CCDC7: variants seen among roughly 807,000 people sequenced by gnomAD.
CCDC7 encodes the protein coiled-coil domain-containing protein 7.
Under a neutral mutation model 196.9 loss-of-function variants are expected in CCDC7, and 183 were observed. The ratio of observed to expected loss-of-function variants is 0.93; its 90% CI spans 0.82 to 1.05. The LOEUF (loss-of-function observed/expected upper bound fraction) is 1.05. Ranked by LOEUF, CCDC7 falls within the 50% of genes least tolerant of loss-of-function variation. CCDC7 has a pLI of 0.00. For missense variants in CCDC7, 1,540 were observed against 1,482.2 expected (o/e 1.04, Z -0.64); for synonymous variants, 525 against 484.6 (o/e 1.08, Z -1.10).
At chr10:32,697,946 A>G (rs2078001647) in intron 24 of CCDC7, among the ~76,000 whole-genome samples, 1 of 152,178 alleles carries the variant, frequency 6.6e-6, no homozygotes, top group Admixed American at 6.5e-5. Context: ...CACCACAAAC[A>G]GCTGGCAGCC....
At chr10:32,543,104 AC>A (rs2051781898) in intron 11 of CCDC7, among the ~76,000 whole-genome samples, 195 bp from the exon 13 acceptor site, 1 of 152,194 alleles carries the variant, frequency 6.6e-6, no homozygotes, top group Non-Finnish European at 1.5e-5. Context: ...GTTATATACA[AC>A]TTACACCACG....
At chr10:32,778,643 G>C (rs995232076) in intron 28 of CCDC7, among the ~76,000 whole-genome samples, 1 of 152,124 alleles carries the variant, frequency 6.6e-6, no homozygotes, top group Admixed American at 6.6e-5. Context: ...TTTTTGCTTA[G>C]GATTGCTTTG....
chr10:32,717,403 G>A (rs2081763728), intron 25 of CCDC7, among the ~76,000 whole-genome samples: 1 of 152,106 alleles, frequency 6.6e-6, no homozygotes, highest in African/African-American at 2.4e-5. Context: ...TAAATTTATA[G>A]CACTAAATGC....
rs1006322577 is a variant in CCDC7 at position 32,518,431 on chromosome 10, C to A, written c.919C>A (p.Gln307Lys). ...TTGTTTTTAGGAATACAAACAGATGCAGTGTGATTTTCAGTTGTTATCAGA... is the reference window on the plus strand; with the variant it reads ...TTGTTTTTAGGAATACAAACAGATGAAGTGTGATTTTCAGTTGTTATCAGA... Residue 307 changes from glutamine to lysine, a missense_variant, in exon 11 of 42, where the codon CAG becomes AAG. Transcript: ENST00000639629. 2.5e-6 allele frequency: 4 copies of A among 1,601,742 alleles called. No individual in the cohort carries two copies. In the African/African-American group the frequency reaches 5.4e-5, roughly 22 times the overall value.
chr10:32,457,552 T>A (rs1359033055), intron 3 of CCDC7, among the ~76,000 whole-genome samples: 1 of 152,236 alleles, frequency 6.6e-6, no homozygotes, highest in Non-Finnish European at 1.5e-5. Flanking sequence ...CACCCAGTAG[T>A]GGAATTGCTG....
chr10:32,564,644 A>G (rs1333112866), intron 13 of CCDC7, among the ~76,000 whole-genome samples: 1 of 148,752 alleles, frequency 6.7e-6, no homozygotes, highest in African/African-American at 2.5e-5. Flanking sequence ...CACTCTGGGG[A>G]CTGTTGTGGG....
intron 28 of CCDC7, among the ~76,000 whole-genome samples, chr10:32,742,659 A>G (rs1260108870): frequency 2.6e-5 from 4 of 152,200 alleles, no homozygotes; most frequent in Admixed American, 6.6e-5. Context: ...CTGAAACAAC[A>G]GAACTTATTT....
intron 9 of CCDC7, chr10:32,514,535 T>G (rs1007945493): frequency 2.0e-5 from 3 of 152,214 alleles, no homozygotes; most frequent in Non-Finnish European, 4.4e-5. Context: ...ACTTTAATTT[T>G]GGATTTCAAG....
intron 30 of CCDC7, among the ~76,000 whole-genome samples, chr10:32,808,833 A>T (rs987701217): frequency 8.5e-5 from 13 of 152,082 alleles, no homozygotes; most frequent in Non-Finnish European, 1.3e-4. Flanking sequence ...GAAAAAAAAA[A>T]TTATACAGAG....
In CCDC7 at chr10:32,470,113, A is replaced by G. The variant is rs148288873; in HGVS notation, c.511-951A>G. Among the ~76,000 whole-genome samples, 905 of 152,250 alleles carry G rather than the reference A, an allele frequency of 5.9e-3. 9 individuals are homozygous for G. The highest frequency in any genetic ancestry group is 0.021 in the African/African-American group (863 of 41,532). Reference sequence around the variant, plus strand: ...ATACCCAAGCTCAGACTTCTAGTGCATTGCCCAGCATTCACTTCTGCTGTT... The same window carrying G: ...ATACCCAAGCTCAGACTTCTAGTGCGTTGCCCAGCATTCACTTCTGCTGTT... On this transcript the variant is annotated intron_variant, in intron 5 of 41. Transcript: ENST00000639629.
chr10:32,645,377 C>A (rs770584572), intron 20 of CCDC7, among the ~76,000 whole-genome samples: 1 of 151,994 alleles, frequency 6.6e-6, no homozygotes, highest in African/African-American at 2.4e-5. Context: ...GAATCCCACT[C>A]GATCATGGTA....
At chr10:32,446,481 T>A (rs1380908123) in intron 1 of CCDC7, 84 bp downstream of exon 1, 1 of 152,346 alleles carries the variant, frequency 6.6e-6, no homozygotes, top group Non-Finnish European at 1.5e-5. Flanking sequence ...CACTTAGTTT[T>A]CCCGCTGCCT....
At chr10:32,651,268 T>A (rs1320405343) in intron 20 of CCDC7, among the ~76,000 whole-genome samples, 1 of 152,204 alleles carries the variant, frequency 6.6e-6, no homozygotes, top group Non-Finnish European at 1.5e-5. Context: ...CACCATTTGG[T>A]GCTGGGAAAC....
At chr10:32,829,314 C>A (rs754657669) in intron 32 of CCDC7, among the ~76,000 whole-genome samples, 8 of 152,144 alleles carry the variant, frequency 5.3e-5, no homozygotes, top group African/African-American at 1.9e-4. Context: ...AAAGGGAATA[C>A]AGAATGCATA....
chr10:32,879,121 G>A (rs1036600384), downstream of CCDC7, among the ~76,000 whole-genome samples: 5 of 151,796 alleles, frequency 3.3e-5, no homozygotes, highest in Non-Finnish European at 5.9e-5. Flanking sequence ...ATAGTTAAAC[G>A]TGTGCCATCG....
At chr10:32,511,523 G>A (rs2046203890) in intron 9 of CCDC7, 1 of 1,605,838 alleles carries the variant, frequency 6.2e-7, no homozygotes, top group African/African-American at 1.3e-5. Context: ...AACTCCTTGG[G>A]TTGCCAAATA....
At chr10:32,698,841 G>C (rs145134313) in intron 24 of CCDC7, among the ~76,000 whole-genome samples, 18 of 152,238 alleles carry the variant, frequency 1.2e-4, no homozygotes, top group African/African-American at 4.1e-4. Flanking sequence ...TCAAATTCAG[G>C]AAACACAGAG....
intron 24 of CCDC7, among the ~76,000 whole-genome samples, chr10:32,704,952 T>C (rs1402778878): frequency 6.6e-6 from 1 of 152,118 alleles, no homozygotes; most frequent in East Asian, 1.9e-4. Flanking sequence ...CCTGACCCCT[T>C]GCACTTCCCG....
chr10:32,671,693 C>G (rs191127300), intron 21 of CCDC7, among the ~76,000 whole-genome samples: 2 of 152,276 alleles, frequency 1.3e-5, no homozygotes, highest in Non-Finnish European at 2.9e-5. Flanking sequence ...TCTGGTGCAG[C>G]AGTCACCTCT....
Sources: gnomAD v4.1 joint callset for allele counts (sites outside exome capture counted in the v4.1 genomes callset) on GRCh38, gnomAD v4.1.1 for gene constraint, MANE v1.5 for transcripts, NCBI Gene and HGNC (gene_info 2026-07-23, HGNC 2026-07-21) for gene names.